Variants in TMEM63B observed in about 807,000 individuals in gnomAD.
The protein encoded by TMEM63B is transmembrane protein 63B.
In TMEM63B, 23 loss-of-function variants were observed where a neutral mutation model predicts 102.6. The ratio of observed to expected loss-of-function variants is 0.22; its 90% confidence interval spans 0.16 to 0.32. The LOEUF (loss-of-function observed/expected upper bound fraction) is 0.32, where lower values mean the gene tolerates loss of function less well. TMEM63B is among the 10% of genes least tolerant of loss of function. The pLI, the probability that TMEM63B is intolerant of heterozygous loss-of-function variation, is 1.00. For synonymous variants in TMEM63B, 444 were observed against 437.0 expected, an observed-to-expected ratio of 1.02 and a Z score of -0.20; for missense variants, 628 against 1,095.9, an observed-to-expected ratio of 0.57 and a Z score of 6.03.
rs186614587 is a variant in TMEM63B at position 44,151,761 on chromosome 6, G to A, written c.1674-85G>A. 4.0e-3 allele frequency: 5,847 copies of A among 1,444,170 alleles called. 18 individuals are homozygous for A. The highest frequency in any genetic ancestry group is 7.9e-3 in the Middle Eastern group (42 of 5,328). The allele number at this position is 1,444,170 out of a possible 1,614,324, so 89.5% of individuals were successfully genotyped here. ...TGGAAGAAGCATGTTGGTGGTGGAG[G>A]TGTTGGGTGCTGTAGTTCTGGCAGT... is the stretch of plus-strand genomic sequence containing the variant. On this transcript the variant is annotated intron_variant, in intron 18 of 23. Coordinates refer to ENST00000323267, the MANE Select transcript of TMEM63B (RefSeq NM_018426.3).
rs763649091 is a variant in TMEM63B, at chr6:44,150,672, G to T, written c.1673+43G>T. On this transcript the variant is annotated intron_variant, in intron 18 of 23. Transcript: ENST00000323267. The surrounding 1 kb of genome is among the most constrained non-coding windows in gnomAD (Gnocchi z 4.7). The stretch of plus-strand genomic sequence containing the variant: ...CTAGGGAAAGAGACCAGACAGCAGG[G>T]GTGGGTATGCTTGAGAGACATTGCC... The T allele has an allele frequency of 3.8e-6, 6 of 1,594,820 alleles. No homozygotes were observed. In the East Asian group the frequency reaches 1.3e-4, roughly 36 times the overall value.
At chr6:44,153,526 TG>T in intron 20 of TMEM63B, 149 bp from the exon 21 acceptor site, 2 of 737,210 alleles carry the variant, frequency 2.7e-6, no homozygotes, top group Non-Finnish European at 4.3e-6. Context: ...GTGATCACGC[TG>T]GGGCACGGGG....
Position 44,154,915 on chromosome 6 carries a change from GCCCCA to G in TMEM63B, c.*42_*46del, listed in dbSNP as rs1691754063. 1 of 1,480,366 alleles carries G rather than the reference GCCCCA, an allele frequency of 6.8e-7. No homozygotes were observed. The highest frequency in any genetic ancestry group is 9.0e-7 in the Non-Finnish European group (1 of 1,114,726). The allele number at this position is 1,480,366 out of a possible 1,614,324, so 91.7% of individuals were successfully genotyped here. A position where few individuals can be genotyped will look rare whatever the true frequency, so the allele number is the denominator to read the frequency against. ...GGAGGGGCCCTGGAGGCCACATCCT[GCCCCA>G]CCCCACCCCCACTCCCACGGACACT... On this transcript the variant is annotated 3_prime_UTR_variant, in exon 24 of 24. Transcript: ENST00000323267.
chr6:44,136,447 C>T lies in TMEM63B; in HGVS notation c.369+8C>T. 5.6e-6 allele frequency: 9 copies of T among 1,609,754 alleles called. No homozygotes were observed. The highest frequency in any genetic ancestry group is 7.6e-6 in the Non-Finnish European group (9 of 1,176,956). ...TTTGACCAAAGGGACAATGTGAGTG[C>T]CCTCCCCCCAAACTTCTTAGTCCCC... On this transcript the variant is annotated splice_region_variant and intron_variant, in intron 5 of 23. Coordinates refer to ENST00000323267, the MANE Select transcript of TMEM63B (RefSeq NM_018426.3).
At chr6:44,147,025 C>G in intron 11 of TMEM63B, 98 bp downstream of exon 11, 3 of 1,343,566 alleles carry the variant, frequency 2.2e-6, no homozygotes, top group South Asian at 2.4e-5. Flanking sequence ...AGATTTTTTC[C>G]TAGGGCATTT....
At chr6:44,136,160 TCC>T (rs970177343) in intron 4 of TMEM63B, among the ~76,000 whole-genome samples, 187 bp from the exon 5 acceptor site, 3 of 151,866 alleles carry the variant, frequency 2.0e-5, no homozygotes, top group African/African-American at 7.3e-5. Context: ...CCACCCTGAG[TCC>T]CCCTGAAAGG....
At chr6:44,137,612 G>A (rs1763229863) in intron 5 of TMEM63B, among the ~76,000 whole-genome samples, 1 of 152,188 alleles carries the variant, frequency 6.6e-6, no homozygotes, top group South Asian at 2.1e-4. Flanking sequence ...GGAGTTTGGG[G>A]CAGGGTGCCC....
intron 18 of TMEM63B, among the ~76,000 whole-genome samples, chr6:44,151,466 G>A (rs1474128214): frequency 6.6e-6 from 1 of 152,036 alleles, no homozygotes; most frequent in Non-Finnish European, 1.5e-5. Context: ...TCACACTCTG[G>A]GGGTAACTCG....
chr6:44,138,660 A>G, intron 6 of TMEM63B, 143 bp downstream of exon 6: 1 of 907,230 alleles, frequency 1.1e-6, no homozygotes, highest in Non-Finnish European at 1.7e-6. Flanking sequence ...TCAAAGGCCA[A>G]GCCTCGGGTG....
chr6:44,127,201 T>A (rs1777250780), upstream of TMEM63B: 1 of 121,634 alleles, frequency 8.2e-6, no homozygotes, highest in African/African-American at 2.9e-5. Context: ...CCCCTCCCCG[T>A]CGGGACCCCT....
Position 44,138,606 on chromosome 6 carries a change from G to C in TMEM63B, c.407+89G>C. 4 of 1,528,720 alleles carry C rather than the reference G, an allele frequency of 2.6e-6. No homozygotes were observed. The South Asian group carries it at 4.5e-5, about 17-fold the overall frequency. 94.7% of individuals were successfully genotyped at this position (1,528,720 alleles called of 1,614,324 possible). ...AAAATTCAGAAGCCAGCAGCTTTCA[G>C]GGCCTTAGCACTCCTCGCCAGCACA... On this transcript the variant is annotated intron_variant, in intron 6 of 23. Transcript: ENST00000323267.
chr6:44,151,000 A>G lies in TMEM63B; in HGVS notation c.1673+371A>G, dbSNP rs1231447964. ...TTCCACTTGGGAGGTTTGGGGAACCATCTCTAGGGAGGTCTTGGTGATACT... is the reference window on the plus strand; with the variant it reads ...TTCCACTTGGGAGGTTTGGGGAACCGTCTCTAGGGAGGTCTTGGTGATACT... On this transcript the variant is annotated intron_variant, in intron 18 of 23. Coordinates refer to ENST00000323267, the MANE Select transcript of TMEM63B (RefSeq NM_018426.3). The surrounding 1 kb of genome is among the most constrained non-coding windows in gnomAD (Gnocchi z 4.7). Among the ~76,000 whole-genome samples, 1 of 152,004 alleles carries G rather than the reference A, an allele frequency of 6.6e-6. No homozygotes were observed. Among genetic ancestry groups the G allele is most frequent in the Non-Finnish European group, 1.5e-5 (1 of 68,006 alleles).
In TMEM63B at chr6:44,148,297, G is replaced by A; in HGVS notation, c.1033G>A (p.Glu345Lys). ...CACAAAGCTGGAGCAGAAGCTGAAG[G>A]AAGACTACAAGCGGGAGAAGGAGAA... The part of the protein sequence containing the change: ...YYTKLEQKLK[E>K]DYKREKEKVN... The change falls in exon 13 of 24, where the codon GAA becomes AAA. Residue 345 changes from glutamate to lysine, a missense_variant. By Grantham distance (56) the Glu-to-Lys change is moderately conservative. This residue lies in a region of TMEM63B where 336 missense variants were observed against 580.3 expected (regional missense o/e 0.58). Transcript: ENST00000323267. The surrounding 1 kb of genome is among the most constrained non-coding windows in gnomAD (Gnocchi z 5.1). 1 of 1,614,234 alleles carries A rather than the reference G, an allele frequency of 6.2e-7. No individual in the cohort carries two copies. The highest frequency in any genetic ancestry group is 8.5e-7 in the Non-Finnish European group (1 of 1,180,042).
intron 10 of TMEM63B, among the ~76,000 whole-genome samples, chr6:44,144,046 G>T (rs1764842466): frequency 6.6e-6 from 1 of 152,184 alleles, no homozygotes; most frequent in African/African-American, 2.4e-5. Context: ...TTTAGGAGAG[G>T]TCAGCCTATA....
chr6:44,138,815 G>A (rs138716330), intron 6 of TMEM63B: 15 of 390,500 alleles, frequency 3.8e-5, no homozygotes, highest in African/African-American at 1.4e-4. Flanking sequence ...TGCAGCCAGT[G>A]AGTGGGGGCA....
chr6:44,138,630 C>T (rs533129742), intron 6 of TMEM63B, 113 bp downstream of exon 6: 19 of 1,249,664 alleles, frequency 1.5e-5, no homozygotes, highest in East Asian at 2.3e-5. Context: ...CTCGCCAGCA[C>T]AGCACCCTCC....
intron 1 of TMEM63B, among the ~76,000 whole-genome samples, chr6:44,129,680 G>T (rs1777914213): frequency 6.6e-6 from 1 of 152,076 alleles, no homozygotes; most frequent in Admixed American, 6.6e-5. Flanking sequence ...TGACTGAGGG[G>T]CTCTGTTATA....
intron 1 of TMEM63B, among the ~76,000 whole-genome samples, chr6:44,129,443 G>C (rs1437692825): frequency 2.0e-5 from 3 of 152,070 alleles, no homozygotes; most frequent in Non-Finnish European, 2.9e-5. Context: ...TTTTATCATG[G>C]GAATCAAACA....
Position 44,139,769 on chromosome 6 carries a change from G to A in TMEM63B, c.602+10G>A, listed in dbSNP as rs780776879. ...CCAACTTGAAATCAGGGTAAGATGC[G>A]AAGCTGGTCGGCCAGGCCAAGGTCT... On this transcript the variant is annotated intron_variant, in intron 8 of 23. Transcript: ENST00000323267. 35 of 1,614,050 alleles carry A rather than the reference G, an allele frequency of 2.2e-5. No homozygotes were observed. The highest frequency in any genetic ancestry group is 2.4e-5 in the Non-Finnish European group (28 of 1,180,058).
Sources: allele counts gnomAD v4.1 joint callset (sites outside exome capture counted in the v4.1 genomes callset), GRCh38; gene constraint gnomAD v4.1.1; regional missense constraint gnomAD v4.1.1; non-coding constraint Gnocchi (gnomAD v3.1); transcripts MANE v1.5; gene names NCBI Gene and HGNC (gene_info 2026-07-23, HGNC 2026-07-21).